Variants in PIKFYVE observed in about 807,000 individuals in gnomAD.
PIKFYVE encodes the protein 1-phosphatidylinositol 3-phosphate 5-kinase.
Under a neutral mutation model 257.9 loss-of-function variants are expected in PIKFYVE, and 122 were observed. The ratio of observed to expected loss-of-function variants is 0.47; its 90% CI spans 0.41 to 0.55. The LOEUF (loss-of-function observed/expected upper bound fraction) is 0.55. Among genes scored for constraint, PIKFYVE ranks in the 20% least tolerant of loss-of-function variants. The pLI is 0.00. For missense variants in PIKFYVE, 2,160 were observed against 2,536.6 expected (o/e 0.85, Z 3.19); for synonymous variants, 892 against 868.9 (o/e 1.03, Z -0.47).
intron 10 of PIKFYVE, among the ~76,000 whole-genome samples, chr2:208,303,464 A>G (rs1574527157): frequency 6.6e-6 from 1 of 152,344 alleles, no homozygotes; most frequent in East Asian, 1.9e-4. Flanking sequence ...TGTTGTGTGT[A>G]TTATATACCA....
chr2:208,308,426 A>G (rs147714609), intron 12 of PIKFYVE, among the ~76,000 whole-genome samples: 1,535 of 151,894 alleles, frequency 0.01, 9 homozygotes, highest in Non-Finnish European at 0.015. Context: ...AAAATTCCAT[A>G]TTATTCTTAG....
At position 208,333,392 on chromosome 2, in the gene PIKFYVE, G is replaced by A. The variant is rs1697778233; in HGVS notation, c.4041G>A (p.Gly1347=). ...AATACCTTGAACTTAGGTTTTATGG[G>A]CACCAGTATACTCGCAGAGCCAACG... ...FAKYLELRFY[G]HQYTRRANAE... The change falls in exon 24 of 42, where the codon GGG becomes GGA. Residue 1347 remains glycine (G), a synonymous_variant. Transcript: ENST00000264380. The A allele has an allele frequency of 6.2e-7, 1 of 1,613,810 alleles. No individual in the cohort carries two copies. The highest frequency in any genetic ancestry group is 1.7e-5 in the Admixed American group (1 of 59,988).
chr2:208,286,899 T>C (rs1691647098), intron 6 of PIKFYVE, among the ~76,000 whole-genome samples: 1 of 152,164 alleles, frequency 6.6e-6, no homozygotes, highest in Admixed American at 6.5e-5. Flanking sequence ...GCCTATAGTT[T>C]TAAGTAACAT....
chr2:208,269,569 A>G, intron 1 of PIKFYVE: 1 of 283,816 alleles, frequency 3.5e-6, no homozygotes, highest in Non-Finnish European at 7.1e-6. Context: ...TGCCTGGAGC[A>G]TGGGCAGGAA....
In PIKFYVE at chr2:208,355,383, T is replaced by C. The variant is rs115754381; in HGVS notation, c.*78T>C. 1,009 of 1,147,616 alleles carry C rather than the reference T, an allele frequency of 8.8e-4. 6 individuals are homozygous for C. In the African/African-American group the frequency reaches 0.014, roughly 15 times the overall value. 71.1% of individuals were successfully genotyped at this position (1,147,616 alleles called of 1,614,324 possible). A position where few individuals can be genotyped will look rare whatever the true frequency, so the allele number is the denominator to read the frequency against. On this transcript the variant is annotated 3_prime_UTR_variant, in exon 42 of 42. Transcript: ENST00000264380. ...AGGACCAAAAATAAGCTACATGTTT[T>C]ATTTCTTCATCGTGTTCACCACTGT...
Position 208,340,093 on chromosome 2 carries a change from G to A in PIKFYVE, c.4893G>A (p.Leu1631=). 1 of 1,613,958 alleles carries A rather than the reference G, an allele frequency of 6.2e-7. No individual in the cohort carries two copies. The highest frequency in any genetic ancestry group is 8.5e-7 in the Non-Finnish European group (1 of 1,179,882). The change falls in exon 31 of 42, where the codon TTG becomes TTA. Residue 1631 remains leucine (L), a synonymous_variant. Transcript: ENST00000264380. The part of the protein sequence containing the change: ...KSTMKAIFAN[L]LPGNSYNPIP... Reference sequence around the variant, plus strand: ...CCATGAAAGCCATCTTTGCAAATTTGCTTCCAGGAAATAGCTATAATCCTA... The same window carrying A: ...CCATGAAAGCCATCTTTGCAAATTTACTTCCAGGAAATAGCTATAATCCTA...
Position 208,282,026 on chromosome 2 carries a change from T to C in PIKFYVE, c.614-3700T>C, listed in dbSNP as rs569905282. On this transcript the variant is annotated intron_variant, in intron 5 of 41. Transcript: ENST00000264380. ...TCCCTAAGGTTATCCATTTCTTTTT[T>C]TACTTTTGTCTAATGCAATTAGGAG... is the stretch of plus-strand genomic sequence containing the variant. Among the ~76,000 whole-genome samples, 3 of 152,336 alleles carry C rather than the reference T, an allele frequency of 2.0e-5. No individual in the cohort carries two copies. In the South Asian group the frequency reaches 6.2e-4, roughly 32 times the overall value.
Position 208,356,603 on chromosome 2 carries a change from G to A in PIKFYVE, c.*1298G>A, listed in dbSNP as rs911205364. Reference sequence around the variant, plus strand: ...TGGGAGGCGGAGGCTGCAGTGAGCTGGGATTACACCATTGCATTCCAGCCT... The same window carrying A: ...TGGGAGGCGGAGGCTGCAGTGAGCTAGGATTACACCATTGCATTCCAGCCT... On this transcript the variant is annotated 3_prime_UTR_variant, in exon 42 of 42. Coordinates refer to ENST00000264380, the MANE Select transcript of PIKFYVE (RefSeq NM_015040.4). The A allele has an allele frequency of 2.0e-5, 3 of 152,696 alleles. No homozygotes were observed. Among genetic ancestry groups the A allele is most frequent in the African/African-American group, 7.2e-5 (3 of 41,442 alleles). 9.5% of individuals were successfully genotyped at this position (152,696 alleles called of 1,614,324 possible). A position where few individuals can be genotyped will look rare whatever the true frequency, so the allele number is the denominator to read the frequency against.
At chr2:208,268,690 A>G (rs900269695) in intron 1 of PIKFYVE, among the ~76,000 whole-genome samples, 3 of 151,386 alleles carry the variant, frequency 2.0e-5, no homozygotes, top group Non-Finnish European at 4.4e-5. Flanking sequence ...CTTCAGAAGG[A>G]TTGTTGATGA....
At chr2:208,268,068 C>T (rs1688905963) in intron 1 of PIKFYVE, among the ~76,000 whole-genome samples, 1 of 152,162 alleles carries the variant, frequency 6.6e-6, no homozygotes, top group African/African-American at 2.4e-5. Flanking sequence ...GACTGATTAC[C>T]ACTCAGGAAA....
intron 1 of PIKFYVE, chr2:208,269,826 A>AT: frequency 4.1e-6 from 1 of 245,742 alleles, no homozygotes; most frequent in Non-Finnish European, 8.8e-6. Flanking sequence ...TGGTTTTCTC[A>AT]GGGGCCTGGG....
At chr2:208,332,121 T>C (rs1220000475) in intron 23 of PIKFYVE, among the ~76,000 whole-genome samples, 1 of 152,150 alleles carries the variant, frequency 6.6e-6, no homozygotes, top group Non-Finnish European at 1.5e-5. Flanking sequence ...ATATATATAA[T>C]ATCAAATTTC....
intron 7 of PIKFYVE, among the ~76,000 whole-genome samples, chr2:208,294,009 T>G (rs1692648949): frequency 6.6e-6 from 1 of 152,220 alleles, no homozygotes; most frequent in Non-Finnish European, 1.5e-5. Context: ...AAATATTGCT[T>G]GTGTTCCTTT....
chr2:208,267,035 C>T (rs1688728290), intron 1 of PIKFYVE, among the ~76,000 whole-genome samples: 1 of 152,080 alleles, frequency 6.6e-6, no homozygotes, highest in Admixed American at 6.5e-5. Flanking sequence ...GGGTTTTCTG[C>T]CCAATCAGAG....
intron 5 of PIKFYVE, among the ~76,000 whole-genome samples, chr2:208,283,295 G>A (rs2125117251): frequency 6.6e-6 from 1 of 152,280 alleles, no homozygotes; most frequent in East Asian, 1.9e-4. Flanking sequence ...TTATATGTGT[G>A]TTGCCTCCAG....
chr2:208,272,197 T>C lies in PIKFYVE; in HGVS notation c.172+506T>C, dbSNP rs1689515610. Among the ~76,000 whole-genome samples, 3 of 151,716 alleles carry C rather than the reference T, an allele frequency of 2.0e-5. No homozygotes were observed. The South Asian group carries it at 6.2e-4, about 31-fold the overall frequency. On this transcript the variant is annotated intron_variant, in intron 2 of 41. Transcript: ENST00000264380. ...TTGCAGTGAGCCGAGATTGCGCGAC[T>C]GTACTCCAGCCTGGGTGACAGAGCG... is the stretch of plus-strand genomic sequence containing the variant.
intron 33 of PIKFYVE, among the ~76,000 whole-genome samples, chr2:208,345,466 G>GAA (rs1553532851): frequency 2.6e-5 from 4 of 152,016 alleles, no homozygotes; most frequent in Non-Finnish European, 4.4e-5. Context: ...ATGAAAAGGT[G>GAA]TTTTTATTTA....
intron 39 of PIKFYVE, among the ~76,000 whole-genome samples, chr2:208,353,351 G>A (rs1015822289): frequency 6.6e-6 from 1 of 152,194 alleles, no homozygotes; most frequent in Non-Finnish European, 1.5e-5. Context: ...TGAGCCAGGA[G>A]CAACTGACCA....
At chr2:208,318,347 T>C (rs550752620) in intron 16 of PIKFYVE, among the ~76,000 whole-genome samples, 2 of 152,268 alleles carry the variant, frequency 1.3e-5, no homozygotes, top group South Asian at 4.1e-4. Context: ...TCTTCTTCTG[T>C]TATCCTTCTC....
Sources: gnomAD v4.1 joint callset for allele counts (sites outside exome capture counted in the v4.1 genomes callset) on GRCh38, gnomAD v4.1.1 for gene constraint, MANE v1.5 for transcripts, NCBI Gene and HGNC (gene_info 2026-07-23, HGNC 2026-07-21) for gene names.